The following PCDHGB6 variants were observed in gnomAD, a reference collection of about 807,000 sequenced individuals.
PCDHGB6 encodes the protein protocadherin gamma-B6.
Under a neutral mutation model 59.1 loss-of-function variants are expected in PCDHGB6, and 51 were observed. That is an observed-to-expected ratio of 0.86 (90% CI 0.69 to 1.09). PCDHGB6 has a LOEUF of 1.09. Ranked by LOEUF, PCDHGB6 falls within the 50% of genes least tolerant of loss-of-function variation. PCDHGB6 has a pLI of 0.00. For synonymous variants in PCDHGB6, 466 were observed against 495.1 expected, an observed-to-expected ratio of 0.94 and a Z score of 0.78; for missense variants, 1,148 against 1,205.1, an observed-to-expected ratio of 0.95 and a Z score of 0.70.
At chr5:141,462,122 C>A (rs1437400069) in intron 1 of PCDHGB6, among the ~76,000 whole-genome samples, 3 of 152,044 alleles carry the variant, frequency 2.0e-5, no homozygotes, top group Admixed American at 6.6e-5. Context: ...TGCACCCAGT[C>A]CAATTTTTTG....
In PCDHGB6 at chr5:141,489,873, G is replaced by A. The variant is rs1252665956; in HGVS notation, c.2419-4934G>A. The A allele has an allele frequency of 4.3e-6, 7 of 1,614,224 alleles. No homozygotes were observed. The highest frequency in any genetic ancestry group is 5.9e-6 in the Non-Finnish European group (7 of 1,180,030). On this transcript the variant is annotated intron_variant, in intron 1 of 3. Coordinates refer to ENST00000520790, the MANE Select transcript of PCDHGB6 (RefSeq NM_018926.3). The surrounding 1 kb of genome is among the most constrained non-coding windows in gnomAD (Gnocchi z 4.5). Reference sequence around the variant, plus strand: ...AAGCCCAGGCAAGACATCAGCTGGTGCTTACTGCTGTGGATGGGGGGACCC... The same window carrying A: ...AAGCCCAGGCAAGACATCAGCTGGTACTTACTGCTGTGGATGGGGGGACCC...
chr5:141,427,924 G>T, intron 1 of PCDHGB6: 1 of 1,580,140 alleles, frequency 6.3e-7, no homozygotes, highest in Non-Finnish European at 8.7e-7. Flanking sequence ...ATGAGCCGGC[G>T]CATGTTGGTG....
At chr5:141,428,102 G>A (rs774075619) in intron 1 of PCDHGB6, 1 of 1,608,518 alleles carries the variant, frequency 6.2e-7, no homozygotes, top group Non-Finnish European at 8.5e-7. Context: ...CCTACCACGT[G>A]CTGCAGGCCA....
At chr5:141,502,866 C>CTTTTTTTT (rs549047197) in intron 2 of PCDHGB6, among the ~76,000 whole-genome samples, 38,988 of 127,080 alleles carry the variant, frequency 0.31, 7,978 homozygotes, top group African/African-American at 0.51. Flanking sequence ...GACTCTCTGT[C>CTTTTTTTT]TTTTTTTTTT....
At chr5:141,430,573 A>C (rs938248057) in intron 1 of PCDHGB6, 8 of 448,940 alleles carry the variant, frequency 1.8e-5, no homozygotes, top group Non-Finnish European at 3.0e-5. Context: ...AGAAAAGCGG[A>C]GATCCTGCTC....
intron 1 of PCDHGB6, among the ~76,000 whole-genome samples, chr5:141,482,530 C>CAAAAAAAAAA (rs3074545): frequency 1.2e-3 from 90 of 76,428 alleles, no homozygotes; most frequent in African/African-American, 1.7e-3. Context: ...GACAGACATG[C>CAAAAAAAAAA]AAAAAAAAAA....
chr5:141,440,793 C>T (rs1448130354), intron 1 of PCDHGB6: 1 of 152,124 alleles, frequency 6.6e-6, no homozygotes, highest in Non-Finnish European at 1.5e-5. Context: ...TAGACGGCCC[C>T]CCAACAAAGC....
At chr5:141,415,083 G>A (rs747351388) in intron 1 of PCDHGB6, 4 of 1,613,514 alleles carry the variant, frequency 2.5e-6, no homozygotes, top group Non-Finnish European at 3.4e-6. Context: ...CGCGAGCCCT[G>A]CTGGACAGAG....
intron 3 of PCDHGB6, among the ~76,000 whole-genome samples, chr5:141,506,444 CA>C (rs1219684339): frequency 0.54 from 51,660 of 95,006 alleles, 10,715 homozygotes; most frequent in African/African-American, 0.61. Context: ...CGCTCTGTCT[CA>C]AAAAAAAAAA....
At chr5:141,496,172 T>C (rs942740022) in intron 2 of PCDHGB6, among the ~76,000 whole-genome samples, 1 of 151,672 alleles carries the variant, frequency 6.6e-6, no homozygotes, top group Non-Finnish European at 1.5e-5. Context: ...CACCCTCCCA[T>C]CCAAGCAGCC....
In PCDHGB6 at chr5:141,477,625, C is replaced by T; in HGVS notation, c.2419-17182C>T. ...TTCTCTTGGAGCAAGGAGCTGAAACCGGGCTAGTGGGTCGCTATTTCACAA... is the reference window on the plus strand; with the variant it reads ...TTCTCTTGGAGCAAGGAGCTGAAACTGGGCTAGTGGGTCGCTATTTCACAA... On this transcript the variant is annotated intron_variant, in intron 1 of 3. Coordinates refer to ENST00000520790, the MANE Select transcript of PCDHGB6 (RefSeq NM_018926.3). This position sits in a 1 kb window ranked among gnomAD's most constrained non-coding sequence, Gnocchi z 4.9. The T allele has an allele frequency of 1.2e-6, 2 of 1,614,200 alleles. No homozygotes were observed. Among genetic ancestry groups the T allele is most frequent in the Non-Finnish European group, 1.7e-6 (2 of 1,180,046 alleles).
intron 1 of PCDHGB6, chr5:141,427,958 G>T: frequency 6.3e-7 from 1 of 1,588,408 alleles, no homozygotes; most frequent in Non-Finnish European, 8.6e-7. Flanking sequence ...ACAATGTGCC[G>T]CGGGTGCTGT....
intron 1 of PCDHGB6, chr5:141,419,158 C>G (rs757849297): frequency 6.2e-7 from 1 of 1,613,950 alleles, no homozygotes; most frequent in South Asian, 1.1e-5. Context: ...CTCCGTTATC[C>G]TCCAGCAAAA....
At chr5:141,497,553 T>C (rs2099777684) in intron 2 of PCDHGB6, among the ~76,000 whole-genome samples, 1 of 151,326 alleles carries the variant, frequency 6.6e-6, no homozygotes, top group South Asian at 2.1e-4. Context: ...TTTTTTTTTT[T>C]TTTTTAGACA....
At position 141,489,635 on chromosome 5, in the gene PCDHGB6, G is replaced by C. The variant is rs1380466520; in HGVS notation, c.2419-5172G>C. 2 of 1,614,142 alleles carry C rather than the reference G, an allele frequency of 1.2e-6. No homozygotes were observed. The highest frequency in any genetic ancestry group is 3.3e-5 in the Admixed American group (2 of 60,016). ...CTGGATCTCAATGACAACTCTCCTAGCTTTGCCACCCCTGAGCGAGAGATG... is the reference window on the plus strand; with the variant it reads ...CTGGATCTCAATGACAACTCTCCTACCTTTGCCACCCCTGAGCGAGAGATG... On this transcript the variant is annotated intron_variant, in intron 1 of 3. Transcript: ENST00000520790. This position sits in a 1 kb window ranked among gnomAD's most constrained non-coding sequence, Gnocchi z 4.5.
At chr5:141,451,151 A>AT (rs1324071351) in intron 1 of PCDHGB6, among the ~76,000 whole-genome samples, 2 of 152,190 alleles carry the variant, frequency 1.3e-5, no homozygotes, top group Admixed American at 6.5e-5. Context: ...TAGACTAGAC[A>AT]TTTTTTTGGT....
At position 141,408,408 on chromosome 5, in the gene PCDHGB6, G is replaced by A. The variant is rs376957467; in HGVS notation, c.206G>A (p.Ser69Asn). The change falls in exon 1 of 4, where the codon AGC becomes AAC. Residue 69 changes from serine (S) to asparagine (N), a missense_variant. Coordinates refer to ENST00000520790, the MANE Select transcript of PCDHGB6 (RefSeq NM_018926.3). ...LDVSARKLRV[S>N]AEKLHFSVDA... is the part of the protein sequence containing the mutation. The stretch of plus-strand genomic sequence containing the variant: ...GTGTCGGCTCGCAAGCTGCGAGTGA[G>A]CGCGGAGAAGCTGCACTTCAGCGTA... 5 of 1,614,080 alleles carry A rather than the reference G, an allele frequency of 3.1e-6. No homozygotes were observed. The Admixed American group carries it at 5.0e-5, about 16-fold the overall frequency.
At chr5:141,414,220 C>T in intron 1 of PCDHGB6, 1 of 1,613,094 alleles carries the variant, frequency 6.2e-7, no homozygotes, top group Non-Finnish European at 8.5e-7. Flanking sequence ...TGACAACAGT[C>T]CAGAGCTGAC....
At chr5:141,419,782 C>T (rs765128711) in intron 1 of PCDHGB6, 9 of 1,614,058 alleles carry the variant, frequency 5.6e-6, no homozygotes, top group Non-Finnish European at 7.6e-6. Flanking sequence ...TCCGCCAGCG[C>T]CTGCTAGTCG....
Sources: gnomAD v4.1 joint callset for allele counts (sites outside exome capture counted in the v4.1 genomes callset) on GRCh38, gnomAD v4.1.1 for gene constraint, Gnocchi (gnomAD v3.1) non-coding constraint, MANE v1.5 for transcripts, NCBI Gene and HGNC (gene_info 2026-07-23, HGNC 2026-07-21) for gene names.